The following NIPSNAP1 variants were observed in gnomAD, a reference collection of about 807,000 sequenced individuals.
NIPSNAP1 encodes the protein protein NipSnap homolog 1.
In NIPSNAP1, 25 loss-of-function variants were observed where a neutral mutation model predicts 49.2. That is an observed-to-expected ratio of 0.51 (90% CI 0.37 to 0.71). The LOEUF is 0.71. Among genes scored for constraint, NIPSNAP1 ranks in the 30% least tolerant of loss-of-function variants. NIPSNAP1 has a pLI of 0.00. For synonymous variants in NIPSNAP1, 143 were observed against 140.7 expected, an observed-to-expected ratio of 1.02 and a Z score of -0.12; for missense variants, 294 against 361.0, an observed-to-expected ratio of 0.81 and a Z score of 1.50.
chr22:29,564,120 C>T (rs1479222052), intron 4 of NIPSNAP1: 6 of 298,172 alleles, frequency 2.0e-5, no homozygotes, highest in Admixed American at 4.6e-5. Context: ...GGCCCATCAG[C>T]GGAGGAAGGT....
intron 4 of NIPSNAP1, 61 bp from the exon 5 acceptor site, chr22:29,561,923 C>T: frequency 2.6e-6 from 4 of 1,521,828 alleles, no homozygotes; most frequent in Non-Finnish European, 3.6e-6. Flanking sequence ...ATGACCTCCT[C>T]AAGGTTGGCT....
chr22:29,574,261 C>CAAA (rs1158442759), intron 1 of NIPSNAP1, among the ~76,000 whole-genome samples: 985 of 36,396 alleles, frequency 0.027, 124 homozygotes, highest in South Asian at 0.056. Context: ...TCCATCTTCA[C>CAAA]AAAAAAAAAA....
At chr22:29,573,452 G>A (rs2064425829) in intron 1 of NIPSNAP1, among the ~76,000 whole-genome samples, 1 of 152,102 alleles carries the variant, frequency 6.6e-6, no homozygotes, top group Admixed American at 6.6e-5. Flanking sequence ...GAGCTCAGGA[G>A]TCTGAAGCCC....
At chr22:29,571,217 T>C (rs750360502) in intron 1 of NIPSNAP1, among the ~76,000 whole-genome samples, 1 of 152,164 alleles carries the variant, frequency 6.6e-6, no homozygotes, top group Non-Finnish European at 1.5e-5. Flanking sequence ...GAGGGGTCTC[T>C]GGAAGAGCCC....
At position 29,570,480 on chromosome 22, in the gene NIPSNAP1, T is replaced by G; in HGVS notation, c.151A>C (p.Lys51Gln). Residue 51 changes from lysine (K) to glutamine (Q), a missense_variant, in exon 2 of 10, where the codon AAA (lysine) becomes CAA (glutamine). Physicochemically the swap from Lys to Gln is moderately conservative, Grantham distance 53. This residue lies in a region of NIPSNAP1 where 88 missense variants were observed against 76.1 expected (regional missense o/e 1.16). Transcript: ENST00000216121. ...GSWFRSLFVH[K>Q]VDPRKDAHST... The stretch of plus-strand genomic sequence containing the variant: ...TGGGCATCCTTCCGGGGATCCACTT[T>G]GTGAACAAAGAGGGAGCGGAACCAG... 1 of 1,614,196 alleles carries G rather than the reference T, an allele frequency of 6.2e-7. No homozygotes were observed. Among genetic ancestry groups the G allele is most frequent in the Non-Finnish European group, 8.5e-7 (1 of 1,180,028 alleles).
In NIPSNAP1 at chr22:29,561,833, G is replaced by GGTAT; in HGVS notation, c.396_397insATAC (p.Pro133IlefsTer15). 1 of 1,614,100 alleles carries GGTAT rather than the reference G, an allele frequency of 6.2e-7. No homozygotes were observed. The highest frequency in any genetic ancestry group is 1.3e-5 in the African/African-American group (1 of 75,018). The stretch of plus-strand genomic sequence containing the variant: ...TTGTTCATGCAGTCCATGAGGGCTG[G>GGTAT]GTAGCCACCTGAGAATCGCCACAGG... On this transcript the variant is annotated frameshift_variant, in exon 5 of 10. Coordinates refer to ENST00000216121, the MANE Select transcript of NIPSNAP1 (RefSeq NM_003634.4). LOFTEE classifies it high-confidence loss of function.
In NIPSNAP1 at chr22:29,579,747, C is replaced by T. The variant is rs113680164; in HGVS notation, c.98+1238G>A. 721 of 231,566 alleles carry T rather than the reference C, an allele frequency of 3.1e-3. 4 individuals are homozygous for T. The highest frequency in any genetic ancestry group is 0.015 in the African/African-American group (680 of 45,298). 14.3% of individuals were successfully genotyped at this position (231,566 alleles called of 1,614,324 possible). A position where few individuals can be genotyped will look rare whatever the true frequency, so the allele number is the denominator to read the frequency against. The stretch of plus-strand genomic sequence containing the variant: ...CCGACCAACCACAGCATCTTTAATC[C>T]TCAACAACCCTATGAGATACATCCT... On this transcript the variant is annotated intron_variant, in intron 1 of 9. Coordinates refer to ENST00000216121, the MANE Select transcript of NIPSNAP1 (RefSeq NM_003634.4).
intron 1 of NIPSNAP1, among the ~76,000 whole-genome samples, chr22:29,574,763 G>GTT (rs1386537208): frequency 2.8e-5 from 4 of 140,478 alleles, no homozygotes; most frequent in African/African-American, 1.1e-4. Context: ...TGGGCTACAA[G>GTT]AGCGAAACTC....
At chr22:29,559,495 C>T (rs988071593) in intron 8 of NIPSNAP1, among the ~76,000 whole-genome samples, 15 of 151,788 alleles carry the variant, frequency 9.9e-5, no homozygotes, top group Non-Finnish European at 1.6e-4. Flanking sequence ...TGAGATCACA[C>T]TACTGCACTC....
chr22:29,560,280 G>A (rs551498105), intron 8 of NIPSNAP1, among the ~76,000 whole-genome samples: 1 of 145,774 alleles, frequency 6.9e-6, no homozygotes, highest in Admixed American at 7.1e-5. Context: ...ACGGAGTCTC[G>A]CTCTGTTGCC....
At chr22:29,568,571 T>C (rs898574786) in intron 4 of NIPSNAP1, among the ~76,000 whole-genome samples, 3 of 150,870 alleles carry the variant, frequency 2.0e-5, no homozygotes, top group African/African-American at 4.9e-5. Flanking sequence ...GGCAGGTGGA[T>C]CACCTGAGAT....
Position 29,555,995 on chromosome 22 carries a change from G to A in NIPSNAP1, c.795C>T (p.Pro265=). ...TCCTAGACTCCATGTGTCGCACCAG[G>A]GGGACTGCGGAGAGAGAAGGCAGAG... ...GWDENVYYTV[P]LVRHMESRIM... Residue 265 remains proline, a synonymous_variant, in exon 10 of 10, where the codon CCC becomes CCT. Coordinates refer to ENST00000216121, the MANE Select transcript of NIPSNAP1 (RefSeq NM_003634.4). 6.5e-7 allele frequency: 1 copy of A among 1,549,762 alleles called. No homozygotes were observed. Among genetic ancestry groups the A allele is most frequent in the Non-Finnish European group, 8.7e-7 (1 of 1,146,216 alleles).
intron 1 of NIPSNAP1, chr22:29,579,911 T>C (rs572861869): frequency 3.9e-5 from 15 of 383,508 alleles, no homozygotes; most frequent in South Asian, 1.6e-4. Flanking sequence ...TCCCTAATTA[T>C]TGGGCAGTCT....
intron 1 of NIPSNAP1, among the ~76,000 whole-genome samples, chr22:29,579,025 G>A (rs1199368706): frequency 4.6e-5 from 7 of 151,230 alleles, no homozygotes; most frequent in Admixed American, 2.6e-4. Context: ...AGGGGTTAAG[G>A]AGCAACACTT....
At chr22:29,557,429 A>T (rs967825761) in intron 9 of NIPSNAP1, among the ~76,000 whole-genome samples, 3 of 147,394 alleles carry the variant, frequency 2.0e-5, no homozygotes, top group African/African-American at 7.5e-5. Context: ...GTTTTTTATT[A>T]TTTTTATTTT....
intron 4 of NIPSNAP1, among the ~76,000 whole-genome samples, chr22:29,565,180 G>C (rs895293201): frequency 1.3e-5 from 2 of 151,662 alleles, no homozygotes; most frequent in African/African-American, 2.4e-5. Context: ...CTCCAAACTG[G>C]GTGACAGAGC....
chr22:29,571,250 C>T (rs2064405521), intron 1 of NIPSNAP1, among the ~76,000 whole-genome samples: 1 of 152,160 alleles, frequency 6.6e-6, no homozygotes, highest in Non-Finnish European at 1.5e-5. Flanking sequence ...CTTAACTCTG[C>T]TTCTGGCAAC....
chr22:29,558,317 A>C (rs985580895), intron 9 of NIPSNAP1, among the ~76,000 whole-genome samples: 1 of 151,822 alleles, frequency 6.6e-6, no homozygotes, highest in African/African-American at 2.4e-5. Flanking sequence ...TAAAAATACA[A>C]AATTAGCTGG....
At chr22:29,561,333 C>G in intron 6 of NIPSNAP1, 131 bp from the exon 7 acceptor site, 1 of 1,413,894 alleles carries the variant, frequency 7.1e-7, no homozygotes, top group Non-Finnish European at 9.9e-7. Flanking sequence ...GCCTCATTCG[C>G]AGGCCCTGAC....
Sources: allele counts gnomAD v4.1 joint callset (sites outside exome capture counted in the v4.1 genomes callset), GRCh38; gene constraint gnomAD v4.1.1; regional missense constraint gnomAD v4.1.1; transcripts MANE v1.5; gene names NCBI Gene and HGNC (gene_info 2026-07-23, HGNC 2026-07-21).